TDRD15: variants seen among roughly 807,000 people sequenced by gnomAD.
TDRD15 encodes the protein tudor domain containing 15.
For synonymous variants in TDRD15, 503 were observed against 314.5 expected (o/e 1.60, Z -6.34); for missense variants, 1,416 against 904.7 (o/e 1.57, Z -7.25).
At chr2:21,131,375 T>C (rs1665715172) in intron 2 of TDRD15, among the ~76,000 whole-genome samples, 1 of 152,214 alleles carries the variant, frequency 6.6e-6, no homozygotes, top group African/African-American at 2.4e-5. Flanking sequence ...ACAAGATAGG[T>C]AGGCCAGTGG....
downstream of TDRD15, among the ~76,000 whole-genome samples, chr2:21,146,681 A>T (rs114647525): frequency 4.7e-3 from 712 of 152,186 alleles, 2 homozygotes; most frequent in African/African-American, 0.016. Flanking sequence ...TGCTTATTTA[A>T]CTGGAAGTCA....
chr2:21,138,936 A>T lies in TDRD15; in HGVS notation c.1469A>T (p.Tyr490Phe), dbSNP rs1281323347. The T allele has an allele frequency of 1.4e-6, 1 of 715,162 alleles. No homozygotes were observed. The highest frequency in any genetic ancestry group is 2.7e-5 in the East Asian group (1 of 37,232). The allele number at this position is 715,162 out of a possible 1,614,324, so 44.3% of individuals were successfully genotyped here. ...GCTGCCTACATAGCTTTTATAGCAT[A>T]TGTATTAAACCCATCAAATTTCTGG... The part of the protein sequence containing the change: ...IEAAYIAFIA[Y>F]VLNPSNFWVR... The change falls in exon 4 of 4, where the codon TAT (tyrosine) becomes TTT (phenylalanine). Residue 490 changes from tyrosine (Y) to phenylalanine (F), a missense_variant. Physicochemically the swap from Tyr to Phe is conservative, Grantham distance 22. Coordinates refer to ENST00000405799, the MANE Select transcript of TDRD15 (RefSeq NM_001306137.2).
At position 21,143,518 on chromosome 2, in the gene TDRD15, G is replaced by A. The variant is rs1379012648; in HGVS notation, c.*246G>A. 1.3e-5 allele frequency among the ~76,000 whole-genome samples: 2 copies of A among 151,560 alleles called. No homozygotes were observed. Among genetic ancestry groups the A allele is most frequent in the African/African-American group, 2.4e-5 (1 of 41,374 alleles). ...CATTTTGTTTGATACATGTACAACA[G>A]CTTCATTTTGGGAACTGCCTGATGG... is the stretch of plus-strand genomic sequence containing the variant. On this transcript the variant is annotated 3_prime_UTR_variant, in exon 4 of 4. Transcript: ENST00000405799.
chr2:21,125,552 G>A (rs1455874255), intron 1 of TDRD15, among the ~76,000 whole-genome samples: 1 of 151,856 alleles, frequency 6.6e-6, no homozygotes, highest in Admixed American at 6.6e-5. Flanking sequence ...CATAAAGAGA[G>A]TTAGGGTGTG....
In TDRD15 at chr2:21,142,245, G is replaced by T. The variant is rs908167473; in HGVS notation, c.4778G>T (p.Arg1593Leu). 2.9e-6 allele frequency: 2 copies of T among 698,996 alleles called. No homozygotes were observed. The highest frequency in any genetic ancestry group is 1.8e-5 in the African/African-American group (1 of 56,074). The allele number at this position is 698,996 out of a possible 1,614,324, so 43.3% of individuals were successfully genotyped here. A position where few individuals can be genotyped will look rare whatever the true frequency, so the allele number is the denominator to read the frequency against. The change falls in exon 4 of 4, where the codon CGA becomes CTA. Residue 1593 changes from arginine to leucine, a missense_variant. Physicochemically the swap from Arg to Leu is moderately radical, Grantham distance 102 (BLOSUM62 -2). Transcript: ENST00000405799. ...AKSKNTLKWH[R>L]SKVEEKYVDD... ...TCTAAAAATACCTTGAAATGGCATC[G>T]ATCAAAAGTAGAAGAAAAGTATGTT...
downstream of TDRD15, among the ~76,000 whole-genome samples, chr2:21,144,881 T>G (rs17041818): frequency 0.069 from 10,431 of 151,984 alleles, 1,171 homozygotes; most frequent in African/African-American, 0.24. Context: ...AATAAGGAAT[T>G]ATTTAGACTT....
chr2:21,124,474 AG>A, intron 1 of TDRD15, among the ~76,000 whole-genome samples: 1 of 138,506 alleles, frequency 7.2e-6, no homozygotes. Context: ...TCCTAATGCC[AG>A]GGTGTGTGTG....
At chr2:21,124,748 G>T (rs766099477) in intron 1 of TDRD15, among the ~76,000 whole-genome samples, 5 of 146,952 alleles carry the variant, frequency 3.4e-5, no homozygotes, top group Non-Finnish European at 7.5e-5. Context: ...GTGTGCGTGT[G>T]TGTGTGTGTG....
At chr2:21,128,910 A>G (rs1665654513) in intron 2 of TDRD15, among the ~76,000 whole-genome samples, 1 of 151,996 alleles carries the variant, frequency 6.6e-6, no homozygotes, top group African/African-American at 2.4e-5. Context: ...TCCATGGGAA[A>G]ACAAGTGTTT....
In TDRD15 at chr2:21,140,809, G is replaced by A. The variant is rs1373324709; in HGVS notation, c.3342G>A (p.Gln1114=). 1.4e-6 allele frequency: 1 copy of A among 715,326 alleles called. No individual in the cohort carries two copies. Among genetic ancestry groups the A allele is most frequent in the Non-Finnish European group, 2.6e-6 (1 of 383,638 alleles). 44.3% of individuals were successfully genotyped at this position (715,326 alleles called of 1,614,324 possible). The stretch of plus-strand genomic sequence containing the variant: ...CATTAAAGGCGATAATATTGTCCCA[G>A]GAGTCAGATGGACAGCTTGGTATAG... ...GRSLKAIILS[Q]ESDGQLGIEL... is the part of the protein sequence containing the mutation. Residue 1114 remains glutamine (Q), a synonymous_variant, in exon 4 of 4, where the codon CAG becomes CAA. Coordinates refer to ENST00000405799, the MANE Select transcript of TDRD15 (RefSeq NM_001306137.2).
At chr2:21,144,750 C>T (rs1035035413), downstream of TDRD15, among the ~76,000 whole-genome samples, 3 of 151,820 alleles carry the variant, frequency 2.0e-5, no homozygotes, top group Non-Finnish European at 4.4e-5. Flanking sequence ...TCAAATAAAC[C>T]TATTCAGAAG....
At chr2:21,124,553 TTG>T (rs1375508145) in intron 1 of TDRD15, among the ~76,000 whole-genome samples, 1 of 62,736 alleles carries the variant, frequency 1.6e-5, no homozygotes. Flanking sequence ...TAATGTCAGG[TTG>T]TGTGTGTGTG....
intron 3 of TDRD15, 60 bp from the exon 4 acceptor site, chr2:21,137,405 A>T: frequency 1.8e-6 from 1 of 560,984 alleles, no homozygotes; most frequent in Non-Finnish European, 3.2e-6. Flanking sequence ...TATATGCCAA[A>T]CATAAGGCTA....
rs1050706198 is a variant in TDRD15 at position 21,138,357 on chromosome 2, T to C, written c.890T>C (p.Val297Ala). The C allele has an allele frequency of 1.4e-6, 1 of 716,586 alleles. No individual in the cohort carries two copies. The highest frequency in any genetic ancestry group is 1.5e-5 in the South Asian group (1 of 67,568). 44.4% of individuals were successfully genotyped at this position (716,586 alleles called of 1,614,324 possible). ...PTCDNFGLLC[V>A]ARRRNGQWHR... ...TGTGATAATTTTGGACTGCTTTGTG[T>C]TGCCAGAAGGCGAAATGGACAGTGG... Residue 297 changes from valine to alanine, a missense_variant, in exon 4 of 4, where the codon GTT (valine) becomes GCT (alanine). Val to Ala is a moderately conservative substitution (Grantham distance 64). Coordinates refer to ENST00000405799, the MANE Select transcript of TDRD15 (RefSeq NM_001306137.2).
chr2:21,145,874 T>TA (rs575954616), downstream of TDRD15, among the ~76,000 whole-genome samples: 2 of 151,688 alleles, frequency 1.3e-5, no homozygotes, highest in South Asian at 2.1e-4. Context: ...TCTTACGTAC[T>TA]AAAAAAGCAT....
At chr2:21,130,223 AC>A (rs1350353533) in intron 2 of TDRD15, among the ~76,000 whole-genome samples, 4 of 152,198 alleles carry the variant, frequency 2.6e-5, no homozygotes, top group African/African-American at 9.6e-5. Flanking sequence ...TTTAGTTCTT[AC>A]CCATAGGTTT....
chr2:21,136,594 G>C (rs1183897407), intron 3 of TDRD15, among the ~76,000 whole-genome samples: 2 of 151,952 alleles, frequency 1.3e-5, no homozygotes, highest in Admixed American at 6.6e-5. Context: ...ATAAATTAAT[G>C]CCTGTCAACT....
At chr2:21,132,183 A>G (rs1449474899) in intron 2 of TDRD15, among the ~76,000 whole-genome samples, 1 of 152,128 alleles carries the variant, frequency 6.6e-6, no homozygotes, top group Non-Finnish European at 1.5e-5. Context: ...TGGGAGTGTA[A>G]TAGGAAATAA....
chr2:21,138,284 C>T lies in TDRD15; in HGVS notation c.817C>T (p.His273Tyr). The change falls in exon 4 of 4, where the codon CAT becomes TAT. Residue 273 changes from histidine to tyrosine, a missense_variant. His to Tyr is a moderately conservative substitution (Grantham distance 83). Coordinates refer to ENST00000405799, the MANE Select transcript of TDRD15 (RefSeq NM_001306137.2). ...TCCAGAGCTAGAAAACTTGACAGCA[C>T]ATATGACTTTGCATTATGATACCGT... ...WTPELENLTA[H>Y]MTLHYDTVCQ... The T allele has an allele frequency of 1.4e-6, 1 of 716,424 alleles. No individual in the cohort carries two copies. The highest frequency in any genetic ancestry group is 1.5e-5 in the South Asian group (1 of 67,540). The allele number at this position is 716,424 out of a possible 1,614,324, so 44.4% of individuals were successfully genotyped here.
Sources: allele counts gnomAD v4.1 joint callset (sites outside exome capture counted in the v4.1 genomes callset), GRCh38; gene constraint gnomAD v4.1.1; transcripts MANE v1.5; gene names NCBI Gene and HGNC (gene_info 2026-07-23, HGNC 2026-07-21).